AP4S1: variants seen among roughly 807,000 people sequenced by gnomAD.
The protein encoded by AP4S1 is AP-4 complex subunit sigma-1.
Under a neutral mutation model 19.8 loss-of-function variants are expected in AP4S1, and 23 were observed. That is an observed-to-expected ratio of 1.16 (90% CI 0.84 to 1.65). The LOEUF (loss-of-function observed/expected upper bound fraction) is 1.65, where lower values mean the gene tolerates loss of function less well. Among genes scored for constraint, AP4S1 ranks in the 40% most tolerant of loss-of-function variants. The pLI is 0.00. For synonymous variants in AP4S1, 46 were observed against 54.1 expected, an observed-to-expected ratio of 0.85 and a Z score of 0.66; for missense variants, 166 against 172.8, an observed-to-expected ratio of 0.96 and a Z score of 0.22.
chr14:31,057,734 T>C (rs1160634911), intron 1 of AP4S1, among the ~76,000 whole-genome samples: 1 of 152,014 alleles, frequency 6.6e-6, no homozygotes, highest in Non-Finnish European at 1.5e-5. Context: ...CAAGTGATTC[T>C]CCTGCCTTAG....
intron 1 of AP4S1, among the ~76,000 whole-genome samples, chr14:31,053,589 C>CTTTTTTTTTTTTTTTTTTT (rs758966011): frequency 2.8e-5 from 2 of 71,110 alleles, no homozygotes; most frequent in Non-Finnish European, 4.9e-5. Flanking sequence ...TGACTTTTTT[C>CTTTTTTTTTTTTTTTTTTT]TTTTTTTTTT....
intron 5 of AP4S1, chr14:31,083,489 T>G (rs1047698226): frequency 9.3e-6 from 4 of 430,668 alleles, no homozygotes; most frequent in African/African-American, 6.8e-5. Flanking sequence ...TCTTTTCTGT[T>G]GACACTCTTT....
chr14:31,026,524 A>C (rs772369111), intron 1 of AP4S1: 2 of 245,196 alleles, frequency 8.2e-6, no homozygotes, highest in Non-Finnish European at 1.6e-5. Flanking sequence ...ATCGCCAAAT[A>C]GAGTCCGGCC....
At chr14:31,049,425 AAAAATATAT>A (rs1404748888) in intron 1 of AP4S1, among the ~76,000 whole-genome samples, 29 of 42,682 alleles carry the variant, frequency 6.8e-4, no homozygotes, top group Non-Finnish European at 9.4e-4. Flanking sequence ...AAAAAAAAAA[AAAAATATAT>A]ATATATATAT....
intron 5 of AP4S1, among the ~76,000 whole-genome samples, chr14:31,090,337 C>T (rs1888044081): frequency 6.6e-6 from 1 of 152,164 alleles, no homozygotes. Context: ...ACTAATATTC[C>T]AGGAGCCCTA....
In AP4S1 at chr14:31,081,033, C is replaced by A. The variant is rs547343875; in HGVS notation, c.306+449C>A. ...TCTTGAACTCCTGGCCTCAGGTGAT[C>A]CACCCACCTCGGCCTCCCAAAGTGC... On this transcript the variant is annotated intron_variant, in intron 5 of 5. Transcript: ENST00000542754. 2.3e-3 allele frequency among the ~76,000 whole-genome samples: 355 copies of A among 152,290 alleles called. 1 individual carries two copies. Among genetic ancestry groups the A allele is most frequent in the South Asian group, 0.012 (57 of 4,828 alleles).
At chr14:31,059,207 G>A (rs1159596932) in intron 1 of AP4S1, among the ~76,000 whole-genome samples, 4 of 152,162 alleles carry the variant, frequency 2.6e-5, no homozygotes, top group Admixed American at 2.0e-4. Context: ...TTAAGAGCAT[G>A]CAAGAAAAGA....
At chr14:31,029,598 G>T (rs1418235276) in intron 1 of AP4S1, among the ~76,000 whole-genome samples, 4 of 152,100 alleles carry the variant, frequency 2.6e-5, no homozygotes, top group Non-Finnish European at 5.9e-5. Flanking sequence ...TGAGAGGATG[G>T]CTTAAGCCTA....
At chr14:31,071,930 TGG>T (rs397718653) in intron 3 of AP4S1, among the ~76,000 whole-genome samples, 7 of 150,368 alleles carry the variant, frequency 4.7e-5, no homozygotes, top group Admixed American at 3.3e-4. Context: ...TGATTTTTTT[TGG>T]GGGGGTGGGG....
rs190841134 is a variant in AP4S1, at chr14:31,073,269, T to A, written c.294+296T>A. 1.6e-3 allele frequency: 541 copies of A among 341,346 alleles called. 2 individuals are homozygous for A. Among genetic ancestry groups the A allele is most frequent in the African/African-American group, 0.011 (505 of 46,928 alleles). 21.1% of individuals were successfully genotyped at this position (341,346 alleles called of 1,614,324 possible). On this transcript the variant is annotated intron_variant, in intron 4 of 5. Coordinates refer to ENST00000542754, the MANE Select transcript of AP4S1 (RefSeq NM_001128126.3). ...ACTTTGGGAGGCTAAGGTGGGCAGA[T>A]CACAAGGTCAGGAGATGGAGACCAT... is the stretch of plus-strand genomic sequence containing the variant.
At chr14:31,074,430 A>C (rs1329971059) in intron 4 of AP4S1, among the ~76,000 whole-genome samples, 3 of 152,036 alleles carry the variant, frequency 2.0e-5, no homozygotes, top group Non-Finnish European at 4.4e-5. Context: ...AGGCAGGCCG[A>C]TCATGAGGTC....
At chr14:31,059,051 A>G (rs1368337306) in intron 1 of AP4S1, among the ~76,000 whole-genome samples, 2 of 152,130 alleles carry the variant, frequency 1.3e-5, no homozygotes, top group Non-Finnish European at 2.9e-5. Context: ...TACAGCATTC[A>G]TCTTCAGTTC....
chr14:31,034,370 C>G (rs185368206), intron 1 of AP4S1, among the ~76,000 whole-genome samples: 2 of 152,252 alleles, frequency 1.3e-5, no homozygotes, highest in East Asian at 3.9e-4. Context: ...TAAAATAACT[C>G]CTACTTCTCT....
intron 1 of AP4S1, among the ~76,000 whole-genome samples, chr14:31,037,994 C>T (rs915171086): frequency 2.6e-5 from 4 of 152,192 alleles, no homozygotes; most frequent in African/African-American, 9.6e-5. Context: ...AGAGCTGTAA[C>T]ATGTTGCTAC....
intron 5 of AP4S1, among the ~76,000 whole-genome samples, chr14:31,090,212 C>G (rs2139126562): frequency 6.6e-6 from 1 of 152,266 alleles, no homozygotes; most frequent in Non-Finnish European, 1.5e-5. Flanking sequence ...TCTCGATCTC[C>G]TGACCTCACG....
chr14:31,069,728 A>AT, intron 2 of AP4S1, 115 bp from the exon 3 acceptor site: 1 of 843,916 alleles, frequency 1.2e-6, no homozygotes, highest in Non-Finnish European at 2.0e-6. Context: ...ACATCTTAAT[A>AT]TTCTATATTT....
chr14:31,071,578 G>A (rs536670714), intron 3 of AP4S1, among the ~76,000 whole-genome samples: 30 of 151,942 alleles, frequency 2.0e-4, no homozygotes, highest in Non-Finnish European at 3.1e-4. Context: ...CCACCATCAC[G>A]CCCAGCTAAT....
chr14:31,045,826 A>G (rs1056101193), intron 1 of AP4S1, among the ~76,000 whole-genome samples: 2 of 152,030 alleles, frequency 1.3e-5, no homozygotes, highest in Non-Finnish European at 2.9e-5. Flanking sequence ...AGTTTATACT[A>G]ATAAAGTGAC....
chr14:31,040,566 G>A (rs1885051363), intron 1 of AP4S1, among the ~76,000 whole-genome samples: 1 of 152,048 alleles, frequency 6.6e-6, no homozygotes. Flanking sequence ...GGTGATCACT[G>A]CCCATTAAAT....
Sources: gnomAD v4.1 joint callset for allele counts (sites outside exome capture counted in the v4.1 genomes callset) on GRCh38, gnomAD v4.1.1 for gene constraint, MANE v1.5 for transcripts, NCBI Gene and HGNC (gene_info 2026-07-23, HGNC 2026-07-21) for gene names.